CRIPT: variants seen among roughly 807,000 people sequenced by gnomAD.
CRIPT encodes the protein cysteine-rich PDZ-binding protein.
Under a neutral mutation model 16.6 loss-of-function variants are expected in CRIPT, and 20 were observed. That is an observed-to-expected ratio of 1.20 (90% CI 0.85 to 1.75). The LOEUF is 1.75. Among genes scored for constraint, CRIPT ranks in the 40% most tolerant of loss-of-function variants. The pLI is 0.00. For missense variants in CRIPT, 133 were observed against 115.3 expected, an observed-to-expected ratio of 1.15 and a Z score of -0.70; for synonymous variants, 42 against 37.0, an observed-to-expected ratio of 1.14 and a Z score of -0.49.
chr2:46,617,454 C>A (rs181359682), intron 1 of CRIPT, among the ~76,000 whole-genome samples, 156 bp downstream of exon 1: 2 of 151,758 alleles, frequency 1.3e-5, no homozygotes, highest in African/African-American at 4.9e-5. Flanking sequence ...TTTTGCACCT[C>A]CCAACGACCA....
rs115761971 is a variant in CRIPT, at chr2:46,629,528, C to T, written c.*5301C>T. 8.1e-4 allele frequency among the ~76,000 whole-genome samples: 124 copies of T among 152,176 alleles called. No individual in the cohort carries two copies. The highest frequency in any genetic ancestry group is 2.8e-3 in the African/African-American group (116 of 41,510). ...AATCTGGAGCAGTTCCTCAGCTTTT[C>T]TTTGTTTTTTATAATAGTAATATAT... is the stretch of plus-strand genomic sequence containing the variant. On this transcript the variant is annotated 3_prime_UTR_variant, in exon 5 of 5. Transcript: ENST00000238892.
rs1156270450 is a variant in CRIPT at position 46,628,203 on chromosome 2, T to G, written c.*3976T>G. Among the ~76,000 whole-genome samples the G allele has an allele frequency of 1.3e-5, 2 of 150,934 alleles. No homozygotes were observed. Among genetic ancestry groups the G allele is most frequent in the East Asian group, 3.9e-4 (2 of 5,130 alleles). Reference sequence around the variant, plus strand: ...TCAGCTCACTGCAACCTCTGCCTCCTGAGTTCAAGCAATTCTCCTGCCTCA... The same window carrying G: ...TCAGCTCACTGCAACCTCTGCCTCCGGAGTTCAAGCAATTCTCCTGCCTCA... On this transcript the variant is annotated 3_prime_UTR_variant, in exon 5 of 5. Transcript: ENST00000238892.
intron 1 of CRIPT, among the ~76,000 whole-genome samples, chr2:46,618,365 G>A (rs1329733662): frequency 1.3e-5 from 2 of 152,062 alleles, no homozygotes; most frequent in Admixed American, 1.3e-4. Flanking sequence ...AGATCCACCT[G>A]TGGAACCCAG....
intron 4 of CRIPT, 21 bp from the exon 5 acceptor site, chr2:46,624,142 A>T (rs563530564): frequency 1.3e-6 from 2 of 1,525,460 alleles, no homozygotes; most frequent in African/African-American, 1.4e-5. Flanking sequence ...TTGATTGATC[A>T]CATATCTTCT....
In CRIPT at chr2:46,630,053, TACTAGATG is replaced by T; in HGVS notation, c.*5827_*5834del. Among the ~76,000 whole-genome samples the T allele has an allele frequency of 6.6e-6, 1 of 152,198 alleles. No individual in the cohort carries two copies. Among genetic ancestry groups the T allele is most frequent in the South Asian group, 2.1e-4 (1 of 4,836 alleles). On this transcript the variant is annotated 3_prime_UTR_variant, in exon 5 of 5. Transcript: ENST00000238892. Reference sequence around the variant, plus strand: ...TTTTCTGAGCCATTTGAATATTCCTTACTAGATGTGGTGCCTCTTTACCCCAATTACTT... The same window carrying T: ...TTTTCTGAGCCATTTGAATATTCCTTTGGTGCCTCTTTACCCCAATTACTT...
At chr2:46,618,695 T>C (rs1670730621) in intron 1 of CRIPT, 78 bp from the exon 2 acceptor site, 2 of 892,536 alleles carry the variant, frequency 2.2e-6, no homozygotes, top group Non-Finnish European at 3.6e-6. Flanking sequence ...GTCGATACCA[T>C]TGTGAACCTT....
chr2:46,621,967 G>A (rs1248947968), intron 3 of CRIPT, among the ~76,000 whole-genome samples: 1 of 152,132 alleles, frequency 6.6e-6, no homozygotes, highest in Non-Finnish European at 1.5e-5. Context: ...TGTAACTCTT[G>A]GGTACTCTCT....
chr2:46,625,573 A>T lies in CRIPT; in HGVS notation c.*1346A>T, dbSNP rs1670919500. 6.6e-6 allele frequency: 1 copy of T among 152,040 alleles called. No individual in the cohort carries two copies. Among genetic ancestry groups the T allele is most frequent in the African/African-American group, 2.4e-5 (1 of 41,406 alleles). 9.4% of individuals were successfully genotyped at this position (152,040 alleles called of 1,614,324 possible). ...CAAAATGTATAGAAAGTGTGATGAGATACATGAATGGCATTTTTATTGGTC... is the reference window on the plus strand; with the variant it reads ...CAAAATGTATAGAAAGTGTGATGAGTTACATGAATGGCATTTTTATTGGTC... On this transcript the variant is annotated 3_prime_UTR_variant, in exon 5 of 5. Transcript: ENST00000238892.
rs952230820 is a variant in CRIPT at position 46,624,377 on chromosome 2, C to T, written c.*150C>T. 2 of 425,904 alleles carry T rather than the reference C, an allele frequency of 4.7e-6. No individual in the cohort carries two copies. The highest frequency in any genetic ancestry group is 3.6e-5 in the East Asian group (1 of 27,776). 26.4% of individuals were successfully genotyped at this position (425,904 alleles called of 1,614,324 possible). On this transcript the variant is annotated 3_prime_UTR_variant, in exon 5 of 5. Transcript: ENST00000238892. ...TTGTTACTCATTTTGCTCTCATGTT[C>T]TAAACAGCAACAGTGTAACTAGTCT...
intron 3 of CRIPT, among the ~76,000 whole-genome samples, chr2:46,621,628 A>G (rs928499250): frequency 6.6e-6 from 1 of 152,232 alleles, no homozygotes; most frequent in South Asian, 2.1e-4. Flanking sequence ...GGCTTTGCCT[A>G]TCATGTTCAT....
rs1007362961 is a variant in CRIPT at position 46,629,708 on chromosome 2, T to G, written c.*5481T>G. Among the ~76,000 whole-genome samples the G allele has an allele frequency of 2.0e-5, 3 of 152,234 alleles. No individual in the cohort carries two copies. Among genetic ancestry groups the G allele is most frequent in the African/African-American group, 7.2e-5 (3 of 41,456 alleles). Reference sequence around the variant, plus strand: ...CATCCAGATGCACAGAATGTCCATTTGTCCCTTATTGGTGATGCTAATTTT... The same window carrying G: ...CATCCAGATGCACAGAATGTCCATTGGTCCCTTATTGGTGATGCTAATTTT... On this transcript the variant is annotated 3_prime_UTR_variant, in exon 5 of 5. Transcript: ENST00000238892.
In CRIPT at chr2:46,619,664, G is replaced by C. The variant is rs1300801700; in HGVS notation, c.120G>C (p.Leu40Phe). ...GGRKLNENKALTSKKARFDPY... is the reference protein window; with the variant it reads ...GGRKLNENKAFTSKKARFDPY... The stretch of plus-strand genomic sequence containing the variant: ...GAAAGCTGAATGAAAATAAAGCTTT[G>C]ACTTCAAAAAAAGCAAGGTGGGTAA... The change falls in exon 3 of 5, where the codon TTG becomes TTC. Residue 40 changes from leucine (L) to phenylalanine (F), a missense_variant. Physicochemically the swap from Leu to Phe is conservative, Grantham distance 22 (BLOSUM62 0). Coordinates refer to ENST00000238892, the MANE Select transcript of CRIPT (RefSeq NM_014171.6). 1.2e-6 allele frequency: 2 copies of C among 1,611,430 alleles called. No individual in the cohort carries two copies. Among genetic ancestry groups the C allele is most frequent in the African/African-American group, 1.3e-5 (1 of 74,740 alleles).
At chr2:46,620,358 G>A (rs1446920968) in intron 3 of CRIPT, among the ~76,000 whole-genome samples, 1 of 152,098 alleles carries the variant, frequency 6.6e-6, no homozygotes, top group Non-Finnish European at 1.5e-5. Flanking sequence ...GACGTGGGAG[G>A]ATCACTTGAT....
Position 46,623,817 on chromosome 2 carries a change from C to A in CRIPT, c.191C>A (p.Ser64Tyr). The stretch of plus-strand genomic sequence containing the variant: ...TCCACTTGTAGAATTTGTAAAAGTT[C>A]TGTGCACCAACCAGGTTCTCATTAC... ...KFSTCRICKS[S>Y]VHQPGSHYCQ... The change falls in exon 4 of 5, where the codon TCT becomes TAT. Residue 64 changes from serine to tyrosine, a missense_variant. Physicochemically the swap from Ser to Tyr is moderately radical, Grantham distance 144. Transcript: ENST00000238892. The A allele has an allele frequency of 1.2e-6, 2 of 1,611,014 alleles. No homozygotes were observed. The highest frequency in any genetic ancestry group is 1.7e-6 in the Non-Finnish European group (2 of 1,178,294).
chr2:46,623,757 T>G lies in CRIPT; in HGVS notation c.138-7T>G, dbSNP rs1021105685. ...TACAATTTTCTCTCTTTAAAAAAAA[T>G]TTCTAGATTTGATCCATATGGAAAG... On this transcript the variant is annotated splice_polypyrimidine_tract_variant and splice_region_variant and intron_variant, in intron 3 of 4. Transcript: ENST00000238892. 2.6e-6 allele frequency: 4 copies of G among 1,559,102 alleles called. No homozygotes were observed. The highest frequency in any genetic ancestry group is 2.6e-6 in the Non-Finnish European group (3 of 1,140,230).
At chr2:46,618,038 T>A (rs1670708533) in intron 1 of CRIPT, among the ~76,000 whole-genome samples, 1 of 150,064 alleles carries the variant, frequency 6.7e-6, no homozygotes, top group African/African-American at 2.5e-5. Context: ...TTTGCCTTCA[T>A]CCTCTTTACT....
chr2:46,620,951 C>G (rs868826392), intron 3 of CRIPT, among the ~76,000 whole-genome samples: 1 of 152,082 alleles, frequency 6.6e-6, no homozygotes, highest in Middle Eastern at 3.4e-3. Flanking sequence ...CCCTACTTCC[C>G]CTATCCATCA....
chr2:46,620,139 C>T (rs937482475), intron 3 of CRIPT, among the ~76,000 whole-genome samples: 1 of 152,164 alleles, frequency 6.6e-6, no homozygotes, highest in Non-Finnish European at 1.5e-5. Context: ...TTTGATACCA[C>T]ACTTTATTAT....
At position 46,626,641 on chromosome 2, in the gene CRIPT, A is replaced by G. The variant is rs1460329484; in HGVS notation, c.*2414A>G. On this transcript the variant is annotated 3_prime_UTR_variant, in exon 5 of 5. Coordinates refer to ENST00000238892, the MANE Select transcript of CRIPT (RefSeq NM_014171.6). ...CTCACCAGCATCTGTTATTTTTTTGACTTTTTGATAATAGCCATTCTGACT... is the reference window on the plus strand; with the variant it reads ...CTCACCAGCATCTGTTATTTTTTTGGCTTTTTGATAATAGCCATTCTGACT... Among the ~76,000 whole-genome samples, 1 of 151,670 alleles carries G rather than the reference A, an allele frequency of 6.6e-6. No individual in the cohort carries two copies. The highest frequency in any genetic ancestry group is 2.4e-5 in the African/African-American group (1 of 41,266).
Sources: allele counts gnomAD v4.1 joint callset (sites outside exome capture counted in the v4.1 genomes callset), GRCh38; gene constraint gnomAD v4.1.1; transcripts MANE v1.5; gene names NCBI Gene and HGNC (gene_info 2026-07-23, HGNC 2026-07-21).